Variants in DMD observed in about 807,000 individuals in gnomAD.
The protein encoded by DMD is dystrophin.
A neutral mutation model predicts 330.1 loss-of-function variants in DMD; 63 were observed. The observed-to-expected ratio is 0.19, with a 90% CI of 0.16 to 0.24. DMD has a LOEUF of 0.24. DMD is among the 10% of genes least tolerant of loss of function. DMD has a pLI of 1.00. For missense variants in DMD, 3,344 were observed against 2,684.1 expected (o/e 1.25, Z -5.43); for synonymous variants, 1,223 against 959.8 (o/e 1.27, Z -5.07).
At chrX:31,869,411 T>C (rs1195124517) in intron 48 of DMD, among the ~76,000 whole-genome samples, 1 of 106,671 alleles carries the variant, frequency 9.4e-6, no homozygotes, top group Non-Finnish European at 1.9e-5. Context: ...ATGATTTTTT[T>C]TTTTTTTTTT....
chrX:32,758,687 C>T (rs983052962), intron 7 of DMD, among the ~76,000 whole-genome samples: 1 of 111,252 alleles, frequency 9.0e-6, no homozygotes, highest in East Asian at 2.9e-4. Flanking sequence ...TTTGCCCTCA[C>T]ACAGGTATTC....
intron 1 of DMD, among the ~76,000 whole-genome samples, chrX:33,315,014 T>C (rs1401126061): frequency 5.4e-5 from 6 of 110,774 alleles, no homozygotes; most frequent in Non-Finnish European, 9.5e-5. Context: ...AGAAGGGGTT[T>C]CACCATGTTG....
At chrX:32,773,521 T>A (rs113202163) in intron 7 of DMD, among the ~76,000 whole-genome samples, 2,475 of 97,340 alleles carry the variant, frequency 0.025, 20 homozygotes, top group Middle Eastern at 0.076. Flanking sequence ...TTTTTATTTT[T>A]TTTTTTTTTT....
chrX:32,879,648 C>T (rs781119095), intron 2 of DMD, among the ~76,000 whole-genome samples: 1 of 110,752 alleles, frequency 9.0e-6, no homozygotes, highest in Non-Finnish European at 1.9e-5. Flanking sequence ...AGAAGTTCAG[C>T]GTTTTTGTTT....
intron 43 of DMD, among the ~76,000 whole-genome samples, chrX:32,257,562 G>A (rs1428519975): frequency 9.0e-6 from 1 of 111,442 alleles, no homozygotes; most frequent in African/African-American, 3.3e-5. Context: ...AACAAGCAAC[G>A]GGGAAAGGAT....
chrX:32,585,782 G>A (rs2054224796), intron 13 of DMD, among the ~76,000 whole-genome samples: 1 of 105,466 alleles, frequency 9.5e-6, no homozygotes, highest in Non-Finnish European at 1.9e-5. Flanking sequence ...AATTTTGTAT[G>A]GTGGGTATTA....
chrX:32,467,125 C>T (rs1201052124), intron 23 of DMD, among the ~76,000 whole-genome samples: 10 of 111,998 alleles, frequency 8.9e-5, no homozygotes, highest in South Asian at 3.7e-4. Flanking sequence ...TAAAGAAATG[C>T]TATGCATTAA....
chrX:33,030,912 C>T (rs5928158), intron 1 of DMD, among the ~76,000 whole-genome samples: 48,820 of 110,640 alleles, frequency 0.44, 8,194 homozygotes, highest in African/African-American at 0.61. Context: ...TCCAAACATA[C>T]TGTTAATGAG....
upstream of DMD, among the ~76,000 whole-genome samples, chrX:33,216,095 T>C (rs748667583): frequency 6.0e-4 from 67 of 112,464 alleles, no homozygotes; most frequent in African/African-American, 2.1e-3. Context: ...AGATTAGCAC[T>C]GAATCTGTAA....
intron 7 of DMD, among the ~76,000 whole-genome samples, chrX:32,753,753 A>C (rs779972566): frequency 2.7e-5 from 3 of 112,188 alleles, no homozygotes; most frequent in African/African-American, 9.7e-5. Context: ...AATATTTATA[A>C]TACAATGTTA....
At chrX:32,076,890 C>A (rs1324601731) in intron 44 of DMD, among the ~76,000 whole-genome samples, 2 of 110,990 alleles carry the variant, frequency 1.8e-5, no homozygotes, top group Admixed American at 9.6e-5. Flanking sequence ...TATAGAATAT[C>A]TACCAAGAAA....
chrX:32,343,373 C>A, intron 39 of DMD, 87 bp from the exon 40 acceptor site: 1 of 876,831 alleles, frequency 1.1e-6, no homozygotes, highest in Non-Finnish European at 1.6e-6. Context: ...TAATTTGCGT[C>A]CCTCATCTTT....
At chrX:32,593,846 G>A (rs1437235295) in intron 13 of DMD, among the ~76,000 whole-genome samples, 8 of 112,452 alleles carry the variant, frequency 7.1e-5, no homozygotes, top group Non-Finnish European at 1.1e-4. Flanking sequence ...CACTGCCTAT[G>A]AAACAGACTC....
chrX:32,486,997 A>C (rs2042546831), intron 20 of DMD, among the ~76,000 whole-genome samples: 1 of 111,272 alleles, frequency 9.0e-6, no homozygotes, highest in Admixed American at 9.6e-5. Flanking sequence ...CAAATTGACA[A>C]ATGGGATCTA....
intron 17 of DMD, among the ~76,000 whole-genome samples, chrX:32,544,361 C>T (rs1385629832): frequency 8.9e-6 from 1 of 111,882 alleles, no homozygotes; most frequent in African/African-American, 3.2e-5. Flanking sequence ...TACACAAATT[C>T]TAATGTCAAG....
intron 1 of DMD, among the ~76,000 whole-genome samples, chrX:33,178,127 G>T (rs2049774475): frequency 8.9e-6 from 1 of 112,040 alleles, no homozygotes; most frequent in African/African-American, 3.2e-5. Context: ...ATAAAAGAAG[G>T]AATTAGACTA....
intron 40 of DMD, 123 bp downstream of exon 40, chrX:32,343,011 G>GA: frequency 2.9e-6 from 2 of 697,495 alleles, no homozygotes; most frequent in Middle Eastern, 3.6e-4. Context: ...ACAATACAAG[G>GA]AAATGCATCA....
At chrX:31,604,270 T>C (rs956513197) in intron 55 of DMD, among the ~76,000 whole-genome samples, 2 of 112,133 alleles carry the variant, frequency 1.8e-5, no homozygotes, top group African/African-American at 6.5e-5. Flanking sequence ...TGTTTTACAT[T>C]GGAGGCTAAA....
chrX:31,407,477 T>C (rs12394231), intron 60 of DMD, among the ~76,000 whole-genome samples: 16 of 93,333 alleles, frequency 1.7e-4, no homozygotes, highest in East Asian at 7.2e-4. Context: ...TTTTTTTTTT[T>C]CTTTTTTTTT....
Sources: allele counts gnomAD v4.1 joint callset (sites outside exome capture counted in the v4.1 genomes callset), GRCh38; gene constraint gnomAD v4.1.1; transcripts MANE v1.5; gene names NCBI Gene and HGNC (gene_info 2026-07-23, HGNC 2026-07-21).